Variants in DUSP10 observed in about 807,000 individuals in gnomAD.
DUSP10 encodes dual specificity phosphatase 10, also known as dual specificity protein phosphatase 10.
DUSP10 carries 14 observed loss-of-function variants against 30.8 expected under a neutral mutation model. The observed-to-expected ratio is 0.46, with a 90% confidence interval of 0.30 to 0.71. The LOEUF is 0.71. DUSP10 is among the 30% of genes least tolerant of loss of function. The probability of loss-of-function intolerance (pLI) is 0.08; values close to 1 mark genes in which losing one functional copy is unlikely to be tolerated. For synonymous variants in DUSP10, 254 were observed against 250.4 expected (o/e 1.01, Z -0.14); for missense variants, 550 against 619.4 (o/e 0.89, Z 1.19).
At chr1:221,738,524 T>C (rs1337728709) in intron 2 of DUSP10, among the ~76,000 whole-genome samples, 1 of 152,222 alleles carries the variant, frequency 6.6e-6, no homozygotes, top group Admixed American at 6.5e-5. Context: ...CCATAGTTGC[T>C]CCTTCCTCTG....
At chr1:221,721,271 C>T (rs565036632) in intron 2 of DUSP10, among the ~76,000 whole-genome samples, 1 of 152,218 alleles carries the variant, frequency 6.6e-6, no homozygotes, top group Admixed American at 6.5e-5. Flanking sequence ...TGTAAAGCAT[C>T]TATTATATGC....
At chr1:221,722,567 G>C (rs1485378379) in intron 2 of DUSP10, among the ~76,000 whole-genome samples, 1 of 152,192 alleles carries the variant, frequency 6.6e-6, no homozygotes, top group Non-Finnish European at 1.5e-5. Flanking sequence ...TTTGAAAGAG[G>C]CTTCTTTTAT....
At chr1:221,741,123 C>T (rs1325204303) in intron 1 of DUSP10, among the ~76,000 whole-genome samples, 1 of 152,182 alleles carries the variant, frequency 6.6e-6, no homozygotes, top group South Asian at 2.1e-4. Flanking sequence ...ACACGGGGCA[C>T]GCACCCATCA....
intron 1 of DUSP10, 66 bp from the exon 2 acceptor site, chr1:221,739,853 A>G (rs969103843): frequency 1.7e-5 from 25 of 1,433,472 alleles, no homozygotes; most frequent in Non-Finnish European, 2.2e-5. Context: ...GTCTCATCCA[A>G]TCCCTGGGAA....
At chr1:221,739,846 T>C in intron 1 of DUSP10, 59 bp from the exon 2 acceptor site, 2 of 1,448,454 alleles carry the variant, frequency 1.4e-6, no homozygotes, top group Non-Finnish European at 1.8e-6. Flanking sequence ...AAAGGCAGTC[T>C]CATCCAATCC....
chr1:221,728,606 C>T (rs1323055211), intron 2 of DUSP10, among the ~76,000 whole-genome samples: 1 of 152,188 alleles, frequency 6.6e-6, no homozygotes, highest in Non-Finnish European at 1.5e-5. Context: ...AACTAACCTT[C>T]CCAAAGGGCA....
chr1:221,741,377 C>T (rs1411847311), intron 1 of DUSP10, among the ~76,000 whole-genome samples: 2 of 152,142 alleles, frequency 1.3e-5, no homozygotes, highest in Non-Finnish European at 2.9e-5. Flanking sequence ...CACAGAGACA[C>T]GCGCTGGGAC....
At chr1:221,733,968 T>C (rs1357679744) in intron 2 of DUSP10, among the ~76,000 whole-genome samples, 1 of 152,216 alleles carries the variant, frequency 6.6e-6, no homozygotes, top group African/African-American at 2.4e-5. Context: ...GCCAACTAAC[T>C]GTGCAGCAGT....
intron 3 of DUSP10, among the ~76,000 whole-genome samples, chr1:221,704,484 T>C (rs988729478): frequency 2.0e-5 from 3 of 152,214 alleles, no homozygotes; most frequent in African/African-American, 7.2e-5. Flanking sequence ...ATCTCAGTCA[T>C]AACATCACAT....
intron 2 of DUSP10, chr1:221,737,570 G>GGAATGTCTA (rs1256687221): frequency 1.7e-6 from 1 of 582,726 alleles, no homozygotes; most frequent in Non-Finnish European, 2.2e-6. Context: ...AGAAGCTTCT[G>GGAATGTCTA]GAACTCTCTA....
intron 2 of DUSP10, among the ~76,000 whole-genome samples, chr1:221,708,470 A>T (rs1192725410): frequency 6.6e-6 from 1 of 152,210 alleles, no homozygotes; most frequent in Non-Finnish European, 1.5e-5. Flanking sequence ...CTCAAAGGGC[A>T]ATATTATGTT....
In DUSP10 at chr1:221,702,070, C is replaced by T. The variant is rs969316463; in HGVS notation, c.*342G>A. ...TTAATTGGTTTAAAGTGTGTAGTAT[C>T]TTCGGTCTATGAACCTGCACAGACT... On this transcript the variant is annotated 3_prime_UTR_variant, in exon 4 of 4. Transcript: ENST00000366899. The surrounding 1 kb of genome is among the most constrained non-coding windows in gnomAD (Gnocchi z 4.5). 1.3e-5 allele frequency: 3 copies of T among 222,616 alleles called. No homozygotes were observed. The highest frequency in any genetic ancestry group is 2.7e-5 in the Non-Finnish European group (3 of 111,580). 13.8% of individuals were successfully genotyped at this position (222,616 alleles called of 1,614,324 possible). A position where few individuals can be genotyped will look rare whatever the true frequency, so the allele number is the denominator to read the frequency against.
chr1:221,741,385 G>C lies in DUSP10; in HGVS notation c.-44+596C>G, dbSNP rs919816542. On this transcript the variant is annotated intron_variant, in intron 1 of 3. Coordinates refer to ENST00000366899, the MANE Select transcript of DUSP10 (RefSeq NM_007207.6). The stretch of plus-strand genomic sequence containing the variant: ...GCGTGTTCACAGAGACACGCGCTGG[G>C]ACCCCCACCTCCACACAGAGTTCAA... Among the ~76,000 whole-genome samples the C allele has an allele frequency of 3.3e-5, 5 of 152,136 alleles. 1 individual carries two copies. The South Asian group carries it at 1.0e-3, about 32-fold the overall frequency.
intron 2 of DUSP10, 76 bp downstream of exon 2, chr1:221,738,858 G>A: frequency 2.0e-6 from 3 of 1,506,724 alleles, no homozygotes; most frequent in South Asian, 1.3e-5. Context: ...TAAGGAGAAT[G>A]CTGTCACTCT....
rs1427193983 is a variant in DUSP10, at chr1:221,702,185, T to A, written c.*227A>T. On this transcript the variant is annotated 3_prime_UTR_variant, in exon 4 of 4. Coordinates refer to ENST00000366899, the MANE Select transcript of DUSP10 (RefSeq NM_007207.6). The surrounding 1 kb of genome is among the most constrained non-coding windows in gnomAD (Gnocchi z 4.5). ...TTTATTGTTGGCTTAAAAAAATTAC[T>A]TCTTTAACCTCCTTAATTTGTCAGT... The A allele has an allele frequency of 3.8e-6, 2 of 519,804 alleles. No homozygotes were observed. Among genetic ancestry groups the A allele is most frequent in the African/African-American group, 3.8e-5 (2 of 52,006 alleles). The allele number at this position is 519,804 out of a possible 1,614,324, so 32.2% of individuals were successfully genotyped here. A position where few individuals can be genotyped will look rare whatever the true frequency, so the allele number is the denominator to read the frequency against.
chr1:221,741,447 C>A lies in DUSP10; in HGVS notation c.-44+534G>T, dbSNP rs547422118. Among the ~76,000 whole-genome samples, 13 of 152,002 alleles carry A rather than the reference C, an allele frequency of 8.6e-5. No individual in the cohort carries two copies. The South Asian group carries it at 2.7e-3, about 32-fold the overall frequency. On this transcript the variant is annotated intron_variant, in intron 1 of 3. Transcript: ENST00000366899. ...ACACACACGGAGTGTATAGAGAGAC[C>A]TGCATCCCTGCAGCAGAGGGTCGGG... is the stretch of plus-strand genomic sequence containing the variant.
rs924281375 is a variant in DUSP10 at position 221,702,841 on chromosome 1, T to C, written c.1184-164A>G. Among the ~76,000 whole-genome samples, 4 of 152,246 alleles carry C rather than the reference T, an allele frequency of 2.6e-5. No individual in the cohort carries two copies. The highest frequency in any genetic ancestry group is 4.8e-5 in the African/African-American group (2 of 41,464). On this transcript the variant is annotated intron_variant, in intron 3 of 3. Transcript: ENST00000366899. The surrounding 1 kb of genome is among the most constrained non-coding windows in gnomAD (Gnocchi z 4.5). Reference sequence around the variant, plus strand: ...TCCACTAGTTCATTACGTATACTTATGTCACAACTTCCAGAACTGGCTAAA... The same window carrying C: ...TCCACTAGTTCATTACGTATACTTACGTCACAACTTCCAGAACTGGCTAAA...
rs1660756783 is a variant in DUSP10, at chr1:221,706,271, T to A, written c.1007A>T (p.Asp336Val). Reference sequence around the variant, plus strand: ...CTGCATGGTGTCCAGGTCCTGAGCATCCTGCTCATTGCCAAGGAACAGGAA... The same window carrying A: ...CTGCATGGTGTCCAGGTCCTGAGCAACCTGCTCATTGCCAAGGAACAGGAA... ...LPFLFLGNEQ[D>V]AQDLDTMQRL... The change falls in exon 3 of 4, where the codon GAT becomes GTT. Residue 336 changes from aspartate (D) to valine (V), a missense_variant. Transcript: ENST00000366899. The surrounding 1 kb of genome is among the most constrained non-coding windows in gnomAD (Gnocchi z 4.6). 6.2e-7 allele frequency: 1 copy of A among 1,614,164 alleles called. No homozygotes were observed. Among genetic ancestry groups the A allele is most frequent in the African/African-American group, 1.3e-5 (1 of 75,032 alleles).
intron 2 of DUSP10, among the ~76,000 whole-genome samples, chr1:221,723,709 A>G (rs1661342308): frequency 6.6e-6 from 1 of 152,248 alleles, no homozygotes; most frequent in Non-Finnish European, 1.5e-5. Flanking sequence ...CATACAGGGC[A>G]ATATCTGGGA....
Sources: allele counts gnomAD v4.1 joint callset (sites outside exome capture counted in the v4.1 genomes callset), GRCh38; gene constraint gnomAD v4.1.1; non-coding constraint Gnocchi (gnomAD v3.1); transcripts MANE v1.5; gene names NCBI Gene and HGNC (gene_info 2026-07-23, HGNC 2026-07-21).